Variants in ITPR1 observed in about 807,000 individuals in gnomAD.
ITPR1 encodes inositol 1,4,5-trisphosphate receptor type 1, also known as inositol 1,4,5-trisphosphate-gated calcium channel ITPR1.
A neutral mutation model predicts 318.4 loss-of-function variants in ITPR1; 96 were observed. The observed-to-expected ratio is 0.30, with a 90% CI of 0.26 to 0.36. ITPR1 has a LOEUF of 0.36. Among genes scored for constraint, ITPR1 ranks in the 10% least tolerant of loss-of-function variants. The probability of loss-of-function intolerance (pLI) is 1.00; values close to 1 mark genes in which losing one functional copy is unlikely to be tolerated. For synonymous variants in ITPR1, 1,312 were observed against 1,289.9 expected, an observed-to-expected ratio of 1.02 and a Z score of -0.37; for missense variants, 2,440 against 3,460.2, an observed-to-expected ratio of 0.71 and a Z score of 7.40.
At chr3:4,680,009 A>G (rs187504143) in intron 24 of ITPR1, among the ~76,000 whole-genome samples, 24 of 152,330 alleles carry the variant, frequency 1.6e-4, no homozygotes, top group African/African-American at 5.5e-4. Flanking sequence ...AATCCTGGGA[A>G]AAGTGACCCT....
chr3:4,845,159 G>A (rs1053439527), intron 61 of ITPR1, among the ~76,000 whole-genome samples: 1 of 152,190 alleles, frequency 6.6e-6, no homozygotes, highest in Non-Finnish European at 1.5e-5. Flanking sequence ...TGATTCCAAA[G>A]CCTTTATTCT....
intron 58 of ITPR1, 30 bp from the exon 59 acceptor site, chr3:4,815,023 C>A: frequency 6.3e-7 from 1 of 1,586,902 alleles, no homozygotes; most frequent in South Asian, 1.2e-5. Context: ...GCAAGGGACC[C>A]AGACTGATCC....
intron 54 of ITPR1, among the ~76,000 whole-genome samples, chr3:4,802,917 T>C (rs1366799611): frequency 1.3e-5 from 2 of 152,062 alleles, no homozygotes; most frequent in Non-Finnish European, 2.9e-5. Context: ...AGTCAGAGCC[T>C]TACCCCACCC....
chr3:4,575,895 C>G (rs992922150), intron 4 of ITPR1, among the ~76,000 whole-genome samples: 1 of 151,876 alleles, frequency 6.6e-6, no homozygotes, highest in Non-Finnish European at 1.5e-5. Context: ...TGATGCATGC[C>G]TGTAGTCCCA....
At chr3:4,723,222 G>A (rs2042287467) in intron 40 of ITPR1, among the ~76,000 whole-genome samples, 1 of 152,204 alleles carries the variant, frequency 6.6e-6, no homozygotes, top group Non-Finnish European at 1.5e-5. Flanking sequence ...GATGCCCAGA[G>A]AGGTTCAGTG....
chr3:4,735,184 T>G lies in ITPR1; in HGVS notation c.5374T>G (p.Ser1792Ala). Residue 1792 changes from serine (S) to alanine (A), a missense_variant, in exon 44 of 62, where the codon TCT becomes GCT. This residue lies in a region of ITPR1 where 166 missense variants were observed against 143.7 expected (regional missense o/e 1.16). Transcript: ENST00000649015. ...GGGGGGSGSS[S>A]MSRGEMSLAE... ...CTTAGGGGGAGGTTCCGGATCCAGC[T>G]CTATGAGCAGGGGTGAGATGAGTCT... 6.2e-7 allele frequency: 1 copy of G among 1,613,654 alleles called. No individual in the cohort carries two copies.
In ITPR1 at chr3:4,775,434, G is replaced by C. The variant is rs769388040; in HGVS notation, c.6172G>C (p.Glu2058Gln). ...CGAATACTGTCAAGGACCTTGCCAT[G>C]AGAACCAGGTAATTAAATTTCTGTT... The part of the protein sequence containing the change: ...LTEYCQGPCH[E>Q]NQNCIATHES... The change falls in exon 47 of 62, where the codon GAG becomes CAG. Residue 2058 changes from glutamate (E) to glutamine (Q), a missense_variant. This residue lies in a region of ITPR1 where 76 missense variants were observed against 162.1 expected (regional missense o/e 0.47). Coordinates refer to ENST00000649015, the MANE Select transcript of ITPR1 (RefSeq NM_001378452.1). 4 of 1,610,856 alleles carry C rather than the reference G, an allele frequency of 2.5e-6. No homozygotes were observed. Among genetic ancestry groups the C allele is most frequent in the Non-Finnish European group, 3.4e-6 (4 of 1,178,374 alleles).
At position 4,697,315 on chromosome 3, in the gene ITPR1, GGTGTGTGTGTGTGT is replaced by G. The variant is rs35795762; in HGVS notation, c.4407+68_4407+81del. On this transcript the variant is annotated intron_variant, in intron 34 of 61. Transcript: ENST00000649015. ...GAGGAGGCAGAGTTGGAGAGTGAGAGGTGTGTGTGTGTGTGTGTGTGTGTGTGTGTGTGTGTGTA... is the reference window on the plus strand; with the variant it reads ...GAGGAGGCAGAGTTGGAGAGTGAGAGGTGTGTGTGTGTGTGTGTGTGTGTA... 205 of 864,152 alleles carry G rather than the reference GGTGTGTGTGTGTGT, an allele frequency of 2.4e-4. 1 individual carries two copies. The African/African-American group carries it at 2.8e-3, about 12-fold the overall frequency. The allele number at this position is 864,152 out of a possible 1,614,324, so 53.5% of individuals were successfully genotyped here.
chr3:4,517,825 A>G (rs772725641), intron 3 of ITPR1, among the ~76,000 whole-genome samples: 7 of 152,158 alleles, frequency 4.6e-5, no homozygotes, highest in South Asian at 2.1e-4. Context: ...TTCATCGTCT[A>G]TGGTTGACTC....
chr3:4,836,376 G>A (rs1461796370), intron 60 of ITPR1, among the ~76,000 whole-genome samples: 3 of 152,100 alleles, frequency 2.0e-5, no homozygotes, highest in Non-Finnish European at 2.9e-5. Context: ...CCACTAAACT[G>A]TATGCTTAAA....
intron 4 of ITPR1, among the ~76,000 whole-genome samples, chr3:4,620,525 T>C (rs1181032265): frequency 6.6e-6 from 1 of 152,154 alleles, no homozygotes; most frequent in Non-Finnish European, 1.5e-5. Context: ...TGTTTTTTCA[T>C]GGTACCCTGT....
chr3:4,744,917 CTT>C (rs2043974468), intron 44 of ITPR1, among the ~76,000 whole-genome samples: 1 of 30,990 alleles, frequency 3.2e-5, no homozygotes. Flanking sequence ...TCCTTCCTTC[CTT>C]CCTTCCTTCC....
At chr3:4,554,564 C>T (rs1302042212) in intron 4 of ITPR1, among the ~76,000 whole-genome samples, 1 of 151,866 alleles carries the variant, frequency 6.6e-6, no homozygotes, top group Non-Finnish European at 1.5e-5. Flanking sequence ...AGAAAGGGGT[C>T]GTAGGGTGGC....
At chr3:4,549,788 C>G (rs2085374638) in intron 4 of ITPR1, among the ~76,000 whole-genome samples, 1 of 152,174 alleles carries the variant, frequency 6.6e-6, no homozygotes, top group Admixed American at 6.5e-5. Context: ...TCAGAATTAA[C>G]TGTCTCTTTC....
chr3:4,658,085 G>T (rs562780405), intron 12 of ITPR1, 39 bp from the exon 13 acceptor site: 55 of 1,564,388 alleles, frequency 3.5e-5, no homozygotes, highest in Non-Finnish European at 4.8e-5. Flanking sequence ...GAAGGCTTTG[G>T]CATGCATGGT....
chr3:4,569,153 C>T (rs2087714353), intron 4 of ITPR1, among the ~76,000 whole-genome samples: 1 of 152,176 alleles, frequency 6.6e-6, no homozygotes, highest in African/African-American at 2.4e-5. Context: ...CTTTGATGCT[C>T]TCTTCAAGGC....
chr3:4,508,523 G>C (rs1384752328), intron 2 of ITPR1, among the ~76,000 whole-genome samples: 3 of 141,364 alleles, frequency 2.1e-5, no homozygotes, highest in South Asian at 2.3e-4. Context: ...AGAACTAATA[G>C]ATGGAAAAAT....
chr3:4,792,850 T>A (rs1475344387), intron 52 of ITPR1, among the ~76,000 whole-genome samples: 1 of 152,222 alleles, frequency 6.6e-6, no homozygotes, highest in African/African-American at 2.4e-5. Context: ...GAAGGGAAAT[T>A]AAGATGTACC....
chr3:4,704,278 G>A (rs1265581510), intron 36 of ITPR1, among the ~76,000 whole-genome samples: 3 of 152,214 alleles, frequency 2.0e-5, no homozygotes, highest in South Asian at 2.1e-4. Flanking sequence ...CTGGCATGGC[G>A]GCGCATGCCT....
Sources: gnomAD v4.1 joint callset for allele counts (sites outside exome capture counted in the v4.1 genomes callset) on GRCh38, gnomAD v4.1.1 for gene constraint, gnomAD v4.1.1 regional missense constraint, MANE v1.5 for transcripts, NCBI Gene and HGNC (gene_info 2026-07-23, HGNC 2026-07-21) for gene names.